The following METRNL variants were observed in gnomAD, a reference collection of about 807,000 sequenced individuals.
METRNL encodes meteorin like, glial cell differentiation regulator.
In METRNL, 9 loss-of-function variants were observed where a neutral mutation model predicts 17.4. The observed-to-expected ratio is 0.52, with a 90% confidence interval of 0.31 to 0.90. The LOEUF (loss-of-function observed/expected upper bound fraction) is 0.90. Ranked by LOEUF, METRNL falls within the 40% of genes least tolerant of loss-of-function variation. METRNL has a pLI of 0.05. For missense variants in METRNL, 408 were observed against 430.7 expected, an observed-to-expected ratio of 0.95 and a Z score of 0.47; for synonymous variants, 215 against 199.3, an observed-to-expected ratio of 1.08 and a Z score of -0.66.
chr17:83,080,503 C>T (rs985593875), intron 1 of METRNL, among the ~76,000 whole-genome samples: 2 of 148,000 alleles, frequency 1.4e-5, no homozygotes, highest in African/African-American at 4.9e-5. Context: ...CCGGCCGGGC[C>T]CCCCGCCCCT....
intron 1 of METRNL, chr17:83,082,051 GC>G: frequency 1.0e-6 from 1 of 985,050 alleles, no homozygotes; most frequent in African/African-American, 1.7e-5. Context: ...GGCCTCTGTT[GC>G]TGGGTGTTTC....
chr17:83,090,767 G>A (rs1262798428), intron 2 of METRNL, among the ~76,000 whole-genome samples: 1 of 151,774 alleles, frequency 6.6e-6, no homozygotes, highest in Admixed American at 6.6e-5. Flanking sequence ...TGTGGTACGG[G>A]GCAGGTGCTG....
chr17:83,090,965 G>A (rs1306803170), intron 2 of METRNL, among the ~76,000 whole-genome samples: 1 of 152,162 alleles, frequency 6.6e-6, no homozygotes, highest in African/African-American at 2.4e-5. Flanking sequence ...GTCCACATAG[G>A]TGAACTAAGT....
chr17:83,079,711 C>A lies in METRNL; in HGVS notation c.-105C>A, dbSNP rs1276969501. Reference sequence around the variant, plus strand: ...AGGACGCGGGGGGCGCGCGACGTGACCACCCGGACTCGAAGCCCGCCCCGC... The same window carrying A: ...AGGACGCGGGGGGCGCGCGACGTGAACACCCGGACTCGAAGCCCGCCCCGC... On this transcript the variant is annotated 5_prime_UTR_variant, in exon 1 of 4. Transcript: ENST00000320095. The A allele has an allele frequency of 2.1e-5, 8 of 380,832 alleles. No individual in the cohort carries two copies. Among genetic ancestry groups the A allele is most frequent in the Non-Finnish European group, 2.5e-5 (7 of 281,128 alleles). 23.6% of individuals were successfully genotyped at this position (380,832 alleles called of 1,614,324 possible).
At position 83,090,148 on chromosome 17, in the gene METRNL, C is replaced by T. The variant is rs560998367; in HGVS notation, c.557-3019C>T. ...GGGTGGGAGCCACACACCCCCGCCC[C>T]GCCCCAGGGTGGGAGCCACACACCC... is the stretch of plus-strand genomic sequence containing the variant. On this transcript the variant is annotated intron_variant, in intron 2 of 3. Coordinates refer to ENST00000320095, the MANE Select transcript of METRNL (RefSeq NM_001004431.3). Among the ~76,000 whole-genome samples, 1,268 of 135,822 alleles carry T rather than the reference C, an allele frequency of 9.3e-3. 13 individuals carry two copies. Among genetic ancestry groups the T allele is most frequent in the Non-Finnish European group, 0.014 (837 of 60,392 alleles). The allele number at this position is 135,822 out of a possible 152,430, so 89.1% of individuals were successfully genotyped here.
At chr17:83,082,916 T>A (rs2038006443) in intron 1 of METRNL, among the ~76,000 whole-genome samples, 1 of 152,052 alleles carries the variant, frequency 6.6e-6, no homozygotes, top group Non-Finnish European at 1.5e-5. Context: ...CTGGTTGGAG[T>A]CCCGTTGGTC....
intron 2 of METRNL, among the ~76,000 whole-genome samples, chr17:83,087,418 G>A (rs116853183): frequency 6.6e-6 from 1 of 152,126 alleles, no homozygotes; most frequent in Non-Finnish European, 1.5e-5. Flanking sequence ...TCACGGGAAC[G>A]GGCACAGATG....
At position 83,089,097 on chromosome 17, in the gene METRNL, C is replaced by T. The variant is rs186740204; in HGVS notation, c.556+3774C>T. ...GCAGGGGCTATGGGGCCAACACCCC[C>T]GGGGCACCCCAGCAATGGACTGCAG... On this transcript the variant is annotated intron_variant, in intron 2 of 3. Transcript: ENST00000320095. 3.3e-3 allele frequency among the ~76,000 whole-genome samples: 497 copies of T among 152,256 alleles called. 3 individuals are homozygous for T. Among genetic ancestry groups the T allele is most frequent in the African/African-American group, 0.011 (468 of 41,552 alleles).
chr17:83,088,000 T>G (rs541317039), intron 2 of METRNL, among the ~76,000 whole-genome samples: 1 of 152,320 alleles, frequency 6.6e-6, no homozygotes, highest in South Asian at 2.1e-4. Context: ...GGTGCGTTCA[T>G]GCTGCATAAT....
intron 2 of METRNL, among the ~76,000 whole-genome samples, chr17:83,092,909 G>C (rs895285196): frequency 6.6e-6 from 1 of 152,164 alleles, no homozygotes; most frequent in African/African-American, 2.4e-5. Context: ...AGGTGCCTTT[G>C]GTCCAGGTGG....
chr17:83,091,487 G>A (rs1418974088), intron 2 of METRNL, among the ~76,000 whole-genome samples: 1 of 152,226 alleles, frequency 6.6e-6, no homozygotes, highest in Non-Finnish European at 1.5e-5. Context: ...GACCACATGT[G>A]CAGGCCCTGA....
In METRNL at chr17:83,094,944, G is replaced by A; in HGVS notation, c.*369G>A. The stretch of plus-strand genomic sequence containing the variant: ...TGGCCTGCGGTTGGGTGAAGCACTG[G>A]CCGTTGGGCACAGTGGATGTGTGAA... On this transcript the variant is annotated 3_prime_UTR_variant, in exon 4 of 4. Transcript: ENST00000320095. 1 of 237,528 alleles carries A rather than the reference G, an allele frequency of 4.2e-6. No individual in the cohort carries two copies. Among genetic ancestry groups the A allele is most frequent in the Non-Finnish European group, 8.1e-6 (1 of 124,102 alleles). 14.7% of individuals were successfully genotyped at this position (237,528 alleles called of 1,614,324 possible).
Position 83,084,850 on chromosome 17 carries a change from G to A in METRNL, c.171-88G>A, listed in dbSNP as rs550931462. ...TCCAGGAGCCGCCATCATTTGGAGCGGGTATCGTCCTCACTGACTCTCTGT... is the reference window on the plus strand; with the variant it reads ...TCCAGGAGCCGCCATCATTTGGAGCAGGTATCGTCCTCACTGACTCTCTGT... On this transcript the variant is annotated intron_variant, in intron 1 of 3. Transcript: ENST00000320095. 1.3e-5 allele frequency: 20 copies of A among 1,489,284 alleles called. No individual in the cohort carries two copies. In the East Asian group the frequency reaches 1.6e-4, roughly 12 times the overall value. 92.3% of individuals were successfully genotyped at this position (1,489,284 alleles called of 1,614,324 possible).
At chr17:83,080,601 C>CTTTTTTTTT in intron 1 of METRNL, among the ~76,000 whole-genome samples, 1 of 52,148 alleles carries the variant, frequency 1.9e-5, no homozygotes, top group Non-Finnish European at 3.6e-5. Context: ...CGGCCGAGGA[C>CTTTTTTTTT]TTTTTTTTTT....
chr17:83,081,672 A>C (rs991521305), intron 1 of METRNL, among the ~76,000 whole-genome samples: 10 of 150,328 alleles, frequency 6.7e-5, no homozygotes, highest in African/African-American at 2.5e-4. Flanking sequence ...CCCCCCACAC[A>C]CACACACAGG....
At chr17:83,090,580 C>G (rs2038120348) in intron 2 of METRNL, among the ~76,000 whole-genome samples, 1 of 146,084 alleles carries the variant, frequency 6.8e-6, no homozygotes, top group Admixed American at 6.8e-5. Flanking sequence ...TGCCTCCTGC[C>G]TTTGCAGGAC....
intron 1 of METRNL, chr17:83,084,089 T>C (rs2038020340): frequency 6.6e-6 from 1 of 152,222 alleles, no homozygotes; most frequent in Non-Finnish European, 1.5e-5. Context: ...TTAGCATGTA[T>C]GAGGGTGAAC....
chr17:83,085,729 C>T (rs1367938189), intron 2 of METRNL, among the ~76,000 whole-genome samples: 3 of 152,218 alleles, frequency 2.0e-5, no homozygotes, highest in Non-Finnish European at 2.9e-5. Context: ...CCCCCTGTGG[C>T]GGCCGGGCCA....
rs989426586 is a variant in METRNL, at chr17:83,093,214, A to C, written c.604A>C (p.Thr202Pro). 6.2e-7 allele frequency: 1 copy of C among 1,608,066 alleles called. No homozygotes were observed. Among genetic ancestry groups the C allele is most frequent in the Middle Eastern group, 1.7e-4 (1 of 6,060 alleles). ...CACCGAGGTGCTCCTAGCCGTCTGC[A>C]CCAGCGACTTCGGTGAGTGTCTCCT... ...SDTEVLLAVC[T>P]SDFAVRGSIQ... The change falls in exon 3 of 4, where the codon ACC (threonine) becomes CCC (proline). Residue 202 changes from threonine (T) to proline (P), a missense_variant. Thr to Pro is a conservative substitution (Grantham distance 38). Coordinates refer to ENST00000320095, the MANE Select transcript of METRNL (RefSeq NM_001004431.3).
Sources: allele counts gnomAD v4.1 joint callset (sites outside exome capture counted in the v4.1 genomes callset), GRCh38; gene constraint gnomAD v4.1.1; transcripts MANE v1.5; gene names NCBI Gene and HGNC (gene_info 2026-07-23, HGNC 2026-07-21).